The following NUP160 variants were observed in gnomAD, a reference collection of about 807,000 sequenced individuals.
The protein encoded by NUP160 is nuclear pore complex protein Nup160.
A neutral mutation model predicts 196.9 loss-of-function variants in NUP160; 94 were observed. That is an observed-to-expected ratio of 0.48 (90% CI 0.40 to 0.57). The LOEUF (loss-of-function observed/expected upper bound fraction) is 0.57, where lower values mean the gene tolerates loss of function less well. Among genes scored for constraint, NUP160 ranks in the 20% least tolerant of loss-of-function variants. The pLI is 0.00. For synonymous variants in NUP160, 605 were observed against 619.7 expected, an observed-to-expected ratio of 0.98 and a Z score of 0.35; for missense variants, 1,638 against 1,748.3, an observed-to-expected ratio of 0.94 and a Z score of 1.13.
At chr11:47,808,346 T>C (rs1555002070) in intron 18 of NUP160, 50 bp downstream of exon 18, 2 of 1,542,112 alleles carry the variant, frequency 1.3e-6, no homozygotes, top group South Asian at 2.3e-5. Flanking sequence ...AGGGGAAAAA[T>C]AATTAAACTC....
At chr11:47,779,011 T>G (rs753331604) in exon 36 of NUP160, 1 of 826,000 alleles carries the variant, frequency 1.2e-6, no homozygotes, top group Non-Finnish European at 2.1e-6. Flanking sequence ...TCATTTACAG[T>G]TACAAAAATC....
intron 4 of NUP160, among the ~76,000 whole-genome samples, chr11:47,838,146 G>C (rs1286407966): frequency 6.6e-6 from 1 of 152,176 alleles, no homozygotes; most frequent in Non-Finnish European, 1.5e-5. Context: ...TTTTGAAAAG[G>C]ATGGTCAGGG....
intron 4 of NUP160, among the ~76,000 whole-genome samples, chr11:47,837,867 A>G (rs1435831436): frequency 1.3e-5 from 2 of 152,246 alleles, no homozygotes; most frequent in African/African-American, 2.4e-5. Context: ...ACAGTAACCC[A>G]TATTGCCACC....
chr11:47,801,980 G>A (rs1469530323), intron 22 of NUP160, 50 bp from the exon 23 acceptor site: 1 of 1,592,656 alleles, frequency 6.3e-7, no homozygotes. Context: ...TCAAATTCTA[G>A]GTGCTATGAA....
intron 31 of NUP160, among the ~76,000 whole-genome samples, chr11:47,787,958 G>A (rs555761712): frequency 1.3e-5 from 2 of 152,032 alleles, no homozygotes; most frequent in South Asian, 2.1e-4. Flanking sequence ...TCCTGGCCTC[G>A]TGATCCGCCC....
At chr11:47,841,011 CA>C (rs1852285006) in intron 2 of NUP160, among the ~76,000 whole-genome samples, 2 of 138,684 alleles carry the variant, frequency 1.4e-5, no homozygotes, top group Non-Finnish European at 3.1e-5. Flanking sequence ...TGCATGCGCA[CA>C]CATATACACA....
At chr11:47,837,738 T>A in intron 4 of NUP160, 115 bp from the exon 5 acceptor site, 1 of 729,960 alleles carries the variant, frequency 1.4e-6, no homozygotes, top group Non-Finnish European at 2.4e-6. Flanking sequence ...ATTTCTGTAC[T>A]AACAAAGGTT....
intron 7 of NUP160, chr11:47,827,222 T>G (rs1241503155): frequency 2.2e-6 from 1 of 446,048 alleles, no homozygotes; most frequent in African/African-American, 2.0e-5. Flanking sequence ...AAATTAGCCA[T>G]GTGTGGTCGC....
intron 2 of NUP160, among the ~76,000 whole-genome samples, chr11:47,847,239 C>T: frequency 6.6e-6 from 1 of 152,182 alleles, no homozygotes. Flanking sequence ...CTCCCCATGC[C>T]TGGCTAACCT....
intron 17 of NUP160, among the ~76,000 whole-genome samples, chr11:47,811,100 A>G (rs1164568867): frequency 6.6e-6 from 1 of 152,172 alleles, no homozygotes; most frequent in Non-Finnish European, 1.5e-5. Context: ...ATTAGCAACA[A>G]GAGTCTGGTG....
chr11:47,784,687 ATCTTTT>A (rs1396086558), intron 33 of NUP160: 3 of 275,582 alleles, frequency 1.1e-5, no homozygotes, highest in Admixed American at 5.1e-5. Context: ...TTATCACCCC[ATCTTTT>A]TCTTTTTCTT....
At chr11:47,833,817 C>G (rs1852120027) in intron 7 of NUP160, among the ~76,000 whole-genome samples, 1 of 150,552 alleles carries the variant, frequency 6.6e-6, no homozygotes, top group Admixed American at 6.7e-5. Flanking sequence ...TCCTGGGAAA[C>G]AACATTTTAC....
exon 28 of NUP160, chr11:47,792,838 C>T (rs761421184): frequency 1.8e-5 from 29 of 1,614,102 alleles, no homozygotes; most frequent in Admixed American, 5.0e-5. Context: ...ACGAATAAGT[C>T]GTAAACAATT....
intron 2 of NUP160, among the ~76,000 whole-genome samples, chr11:47,845,128 G>A (rs1222128901): frequency 6.6e-6 from 1 of 152,128 alleles, no homozygotes; most frequent in East Asian, 1.9e-4. Context: ...TGTCTATGGA[G>A]TAGCCATTCT....
Position 47,812,048 on chromosome 11 carries a change from C to T in NUP160, c.2241+16G>A, listed in dbSNP as rs1353483412. The T allele has an allele frequency of 6.2e-7, 1 of 1,613,166 alleles. No homozygotes were observed. The highest frequency in any genetic ancestry group is 2.2e-5 in the East Asian group (1 of 44,848). ...AGGTTTTAGATTTTACAAGTTTTCC[C>T]TCAAGCAGTACTTACAGCATCTCCA... On this transcript the variant is annotated intron_variant, in intron 17 of 35. Coordinates refer to ENST00000378460, the Ensembl canonical transcript of NUP160.
At chr11:47,806,029 G>T in intron 20 of NUP160, 124 bp downstream of exon 20, 1 of 822,552 alleles carries the variant, frequency 1.2e-6, no homozygotes, top group Non-Finnish European at 2.0e-6. Context: ...GGCCAGGCTG[G>T]TCTCGAACTT....
chr11:47,807,932 A>G (rs2097678726), intron 18 of NUP160, among the ~76,000 whole-genome samples: 1 of 152,252 alleles, frequency 6.6e-6, no homozygotes, highest in Admixed American at 6.5e-5. Context: ...TAACAAATAA[A>G]GGCACCAAAA....
chr11:47,812,158 A>C, exon 17 of NUP160: 1 of 1,614,176 alleles, frequency 6.2e-7, no homozygotes, highest in Non-Finnish European at 8.5e-7. Flanking sequence ...CCCTCTGCAC[A>C]CAATATACCC....
chr11:47,846,222 C>A (rs1257056662), intron 2 of NUP160, among the ~76,000 whole-genome samples: 2 of 151,992 alleles, frequency 1.3e-5, no homozygotes, highest in East Asian at 3.9e-4. Flanking sequence ...AGAGATCCTC[C>A]CACCTCAGCC....
Sources: gnomAD v4.1 joint callset for allele counts (sites outside exome capture counted in the v4.1 genomes callset) on GRCh38, gnomAD v4.1.1 for gene constraint, MANE v1.5 for transcripts, NCBI Gene and HGNC (gene_info 2026-07-23, HGNC 2026-07-21) for gene names.